Variants in RPGR observed in about 807,000 individuals in gnomAD.
RPGR encodes retinitis pigmentosa GTPase regulator.
A neutral mutation model predicts 56.3 loss-of-function variants in RPGR; 10 were observed. The ratio of observed to expected loss-of-function variants is 0.18; its 90% CI spans 0.11 to 0.30. The LOEUF (loss-of-function observed/expected upper bound fraction) is 0.30. RPGR is among the 10% of genes least tolerant of loss of function. The pLI, the probability that RPGR is intolerant of heterozygous loss-of-function variation, is 1.00. For missense variants in RPGR, 538 were observed against 590.9 expected (o/e 0.91, Z 0.93); for synonymous variants, 197 against 212.9 (o/e 0.93, Z 0.65).
At chrX:38,317,290 CATG>C (rs1569257832) in intron 6 of RPGR, 23 bp downstream of exon 6, 1 of 1,187,530 alleles carries the variant, frequency 8.4e-7, no homozygotes, top group Non-Finnish European at 1.1e-6. Flanking sequence ...TGGGAGATAA[CATG>C]ATGACTTCAA....
intron 9 of RPGR, among the ~76,000 whole-genome samples, chrX:38,301,034 A>G (rs1341816451): frequency 8.9e-6 from 1 of 112,030 alleles, no homozygotes; most frequent in East Asian, 2.8e-4. Context: ...AGATTTCAGC[A>G]AAAAGGAAGA....
At chrX:38,320,023 G>C (rs1331802665) in intron 4 of RPGR, among the ~76,000 whole-genome samples, 1 of 111,884 alleles carries the variant, frequency 8.9e-6, no homozygotes, top group African/African-American at 3.2e-5. Context: ...ACATGCAATT[G>C]GAGTGCACAA....
intron 11 of RPGR, among the ~76,000 whole-genome samples, chrX:38,296,629 T>C (rs1955884654): frequency 9.0e-6 from 1 of 111,697 alleles, no homozygotes; most frequent in Non-Finnish European, 1.9e-5. Flanking sequence ...CTGGGCTCAA[T>C]GCTAATTATT....
intron 7 of RPGR, among the ~76,000 whole-genome samples, chrX:38,307,042 A>T (rs1239300305): frequency 8.9e-6 from 1 of 112,854 alleles, no homozygotes; most frequent in Non-Finnish European, 1.9e-5. Context: ...GTAATTTCAC[A>T]GAATATATTT....
chrX:38,315,441 C>G (rs911170042), intron 6 of RPGR, among the ~76,000 whole-genome samples: 4 of 111,702 alleles, frequency 3.6e-5, no homozygotes, highest in African/African-American at 6.5e-5. Flanking sequence ...GAAGTCATTA[C>G]GTTAAATGAA....
At chrX:38,274,344 G>A (rs1253869800) in intron 17 of RPGR, among the ~76,000 whole-genome samples, 2 of 111,846 alleles carry the variant, frequency 1.8e-5, no homozygotes, top group South Asian at 3.7e-4. Context: ...CTGAGCCCTC[G>A]GGGGTAAATA....
At chrX:38,291,538 G>A in intron 11 of RPGR, 54 bp from the exon 12 acceptor site, 1 of 693,320 alleles carries the variant, frequency 1.4e-6, no homozygotes, top group Non-Finnish European at 2.3e-6. Context: ...AAAGTGAAAG[G>A]CAACTGGACA....
At chrX:38,276,829 A>G in intron 15 of RPGR, 1 of 934,745 alleles carries the variant, frequency 1.1e-6, no homozygotes. Context: ...AAAACGAGGG[A>G]TTTGATATTG....
chrX:38,313,140 T>C (rs2067753673), intron 6 of RPGR, among the ~76,000 whole-genome samples: 1 of 111,849 alleles, frequency 8.9e-6, no homozygotes, highest in Non-Finnish European at 1.9e-5. Context: ...TCTTCCCTCA[T>C]CTCTGTCTCT....
At chrX:38,294,262 C>T (rs945450158) in intron 11 of RPGR, among the ~76,000 whole-genome samples, 3 of 111,880 alleles carry the variant, frequency 2.7e-5, no homozygotes, top group African/African-American at 9.7e-5. Flanking sequence ...AGGAAGGCTT[C>T]TTTGCTGGCT....
In RPGR at chrX:38,291,501, G is replaced by C. The variant is rs191692201; in HGVS notation, c.1415-17C>G. 138 of 935,620 alleles carry C rather than the reference G, an allele frequency of 1.5e-4. No homozygotes were observed. In the East Asian group the frequency reaches 3.1e-3, roughly 21 times the overall value. The allele number at this position is 935,620 out of a possible 1,213,427, so 77.1% of individuals were successfully genotyped here. ...GCAAATAATCTGAATGATTAAATGG[G>C]AAAAAGGAAATCCAGATTTCAACAG... On this transcript the variant is annotated splice_polypyrimidine_tract_variant and intron_variant, in intron 11 of 18. Coordinates refer to ENST00000642395, the MANE Select transcript of RPGR (RefSeq NM_000328.3).
In RPGR at chrX:38,327,465, G is replaced by A; in HGVS notation, c.-98C>T. The A allele has an allele frequency of 1.1e-6, 1 of 884,598 alleles. No individual in the cohort carries two copies. The highest frequency in any genetic ancestry group is 1.5e-6 in the Non-Finnish European group (1 of 651,953). 72.9% of individuals were successfully genotyped at this position (884,598 alleles called of 1,213,427 possible). A position where few individuals can be genotyped will look rare whatever the true frequency, so the allele number is the denominator to read the frequency against. ...GCTACTCCGCACCGACGCGGGCCGC[G>A]AAAGCCCCCAAGTTCCGCATGGCGA... On this transcript the variant is annotated 5_prime_UTR_variant, in exon 1 of 19. Transcript: ENST00000642395.
intron 1 of RPGR, chrX:38,326,588 T>C (rs1002293763): frequency 3.6e-5 from 4 of 111,225 alleles, no homozygotes; most frequent in Non-Finnish European, 5.7e-5. Context: ...AAAAAAAGGC[T>C]AAAAAACACT....
chrX:38,271,821 A>G (rs2066845513), intron 18 of RPGR, among the ~76,000 whole-genome samples: 1 of 112,564 alleles, frequency 8.9e-6, no homozygotes, highest in Non-Finnish European at 1.9e-5. Context: ...AGCCAAAGCA[A>G]CACACATTTA....
intron 15 of RPGR, chrX:38,285,960 C>A: frequency 9.0e-7 from 1 of 1,111,549 alleles, no homozygotes; most frequent in Non-Finnish European, 1.2e-6. Flanking sequence ...CTTCTTCCTC[C>A]CCTTCTCCCT....
intron 15 of RPGR, among the ~76,000 whole-genome samples, chrX:38,283,721 G>T (rs145663535): frequency 1.8e-5 from 2 of 111,722 alleles, no homozygotes; most frequent in Non-Finnish European, 1.9e-5. Flanking sequence ...ATTTTAGAAC[G>T]TTGTTTCTGT....
In RPGR at chrX:38,321,435, T is replaced by G. The variant is rs186040876; in HGVS notation, c.248-346A>C. ...TGGGAGGCCAGGACAGGCAGATGGC[T>G]TGAGCTCAGGAGTTCCAGACCAACC... On this transcript the variant is annotated intron_variant, in intron 3 of 18. Transcript: ENST00000642395. 2.7e-5 allele frequency among the ~76,000 whole-genome samples: 3 copies of G among 111,401 alleles called. No individual in the cohort carries two copies. The Admixed American group carries it at 2.9e-4, about 11-fold the overall frequency.
At chrX:38,309,934 T>C (rs747416953) in intron 7 of RPGR, among the ~76,000 whole-genome samples, 2 of 112,040 alleles carry the variant, frequency 1.8e-5, no homozygotes, top group Admixed American at 9.4e-5. Flanking sequence ...AGACCAGAAA[T>C]GTATATTAAG....
intron 15 of RPGR, among the ~76,000 whole-genome samples, chrX:38,281,810 G>A (rs2067038386): frequency 8.9e-6 from 1 of 111,971 alleles, no homozygotes; most frequent in Admixed American, 9.5e-5. Context: ...CATCAGTGGA[G>A]GGCTGGGATT....
Sources: allele counts gnomAD v4.1 joint callset (sites outside exome capture counted in the v4.1 genomes callset), GRCh38; gene constraint gnomAD v4.1.1; transcripts MANE v1.5; gene names NCBI Gene and HGNC (gene_info 2026-07-23, HGNC 2026-07-21).